The following ANO10 variants were observed in gnomAD, a reference collection of about 807,000 sequenced individuals.
ANO10 encodes the protein anoctamin 10.
ANO10 carries 77 observed loss-of-function variants against 74.7 expected under a neutral mutation model. That is an observed-to-expected ratio of 1.03 (90% CI 0.86 to 1.25). ANO10 has a LOEUF of 1.25. Ranked by LOEUF, ANO10 falls within the 50% of genes most tolerant of loss-of-function variation. The probability of loss-of-function intolerance (pLI) is 0.00; values close to 1 mark genes in which losing one functional copy is unlikely to be tolerated. For missense variants in ANO10, 721 were observed against 778.1 expected (o/e 0.93, Z 0.87); for synonymous variants, 279 against 284.9 (o/e 0.98, Z 0.21).
intron 12 of ANO10, among the ~76,000 whole-genome samples, chr3:43,369,545 G>A (rs996590617): frequency 2.6e-5 from 4 of 152,216 alleles, no homozygotes; most frequent in African/African-American, 9.6e-5. Context: ...GTTGGGCCAC[G>A]GCCATGGGAT....
At chr3:43,525,672 T>A (rs2078163738) in intron 11 of ANO10, among the ~76,000 whole-genome samples, 1 of 152,180 alleles carries the variant, frequency 6.6e-6, no homozygotes, top group Admixed American at 6.5e-5. Context: ...GGGAAAGATG[T>A]TTTGTCTCTC....
intron 11 of ANO10, among the ~76,000 whole-genome samples, chr3:43,546,123 A>C (rs1406424735): frequency 1.3e-5 from 2 of 152,232 alleles, no homozygotes; most frequent in Non-Finnish European, 2.9e-5. Context: ...TATGAAAGTC[A>C]ATAAGGTATA....
intron 1 of ANO10, among the ~76,000 whole-genome samples, chr3:43,644,030 T>C (rs1354793478): frequency 2.0e-5 from 3 of 152,194 alleles, no homozygotes; most frequent in Non-Finnish European, 4.4e-5. Flanking sequence ...TTGACCTTGC[T>C]TCTTGTATTT....
chr3:43,547,699 G>GT (rs1445529207), intron 11 of ANO10, among the ~76,000 whole-genome samples: 18 of 152,302 alleles, frequency 1.2e-4, no homozygotes, highest in African/African-American at 4.3e-4. Context: ...AAACCATCCT[G>GT]TTTAACACGA....
At chr3:43,433,114 T>G (rs2093015056) in intron 11 of ANO10, among the ~76,000 whole-genome samples, 1 of 151,786 alleles carries the variant, frequency 6.6e-6, no homozygotes, top group Non-Finnish European at 1.5e-5. Flanking sequence ...ACTAATTTTT[T>G]TTGTATTTTT....
At chr3:43,587,306 A>G (rs1445024868) in intron 4 of ANO10, among the ~76,000 whole-genome samples, 3 of 152,220 alleles carry the variant, frequency 2.0e-5, no homozygotes, top group African/African-American at 7.2e-5. Flanking sequence ...CATGTAAGCC[A>G]GGCAATAAAG....
chr3:43,589,739 T>C (rs1050797939), intron 4 of ANO10, among the ~76,000 whole-genome samples: 20 of 152,250 alleles, frequency 1.3e-4, no homozygotes, highest in African/African-American at 4.1e-4. Context: ...TTTCCTACTT[T>C]ATTTTTAATG....
chr3:43,538,448 T>A (rs188003219), intron 11 of ANO10, among the ~76,000 whole-genome samples: 28 of 152,186 alleles, frequency 1.8e-4, no homozygotes, highest in South Asian at 1.0e-3. Flanking sequence ...TCAGAAAAAA[T>A]TTTTAAAACG....
chr3:43,643,807 C>T (rs1195507650), intron 1 of ANO10, among the ~76,000 whole-genome samples: 2 of 151,278 alleles, frequency 1.3e-5, no homozygotes, highest in Non-Finnish European at 2.9e-5. Flanking sequence ...CCTCAGCCTC[C>T]TGAGTAGCTC....
chr3:43,529,464 G>A (rs1448975775), intron 11 of ANO10, among the ~76,000 whole-genome samples: 1 of 152,158 alleles, frequency 6.6e-6, no homozygotes. Flanking sequence ...AGGTCCAGGT[G>A]ATGAGTATGC....
chr3:43,671,751 A>G (rs1354031619), intron 1 of ANO10, among the ~76,000 whole-genome samples: 2 of 152,158 alleles, frequency 1.3e-5, no homozygotes, highest in Admixed American at 6.5e-5. Flanking sequence ...CAAAAGTAAC[A>G]GCAATATGTA....
intron 1 of ANO10, chr3:43,637,538 A>C (rs1341144768): frequency 6.6e-6 from 1 of 152,010 alleles, no homozygotes; most frequent in Non-Finnish European, 1.5e-5. Flanking sequence ...AATTAGGACC[A>C]AAATTTAGAA....
At chr3:43,608,463 C>T (rs1484241234) in intron 1 of ANO10, among the ~76,000 whole-genome samples, 3 of 152,108 alleles carry the variant, frequency 2.0e-5, no homozygotes, top group Admixed American at 1.3e-4. Flanking sequence ...CAGGGTTTTG[C>T]CATGTTGCCC....
rs549002248 is a variant in ANO10, at chr3:43,378,596, A to G, written c.1915-11622T>C. Among the ~76,000 whole-genome samples the G allele has an allele frequency of 1.2e-3, 190 of 152,334 alleles. 1 individual carries two copies. Among genetic ancestry groups the G allele is most frequent in the African/African-American group, 4.0e-3 (166 of 41,574 alleles). On this transcript the variant is annotated intron_variant, in intron 12 of 12. Coordinates refer to ENST00000292246, the MANE Select transcript of ANO10 (RefSeq NM_018075.5). ...TACTATTATGAGTAAAACAAAATTG[A>G]TAATTACAACATTATGATTTTTAAA... is the stretch of plus-strand genomic sequence containing the variant.
intron 11 of ANO10, among the ~76,000 whole-genome samples, chr3:43,501,044 T>C (rs1435385875): frequency 2.0e-5 from 3 of 152,202 alleles, no homozygotes; most frequent in African/African-American, 4.8e-5. Context: ...CATCGTCCAT[T>C]AGTATAGCTA....
At chr3:43,433,593 CATT>C (rs769112683) in intron 11 of ANO10, among the ~76,000 whole-genome samples, 1 of 152,192 alleles carries the variant, frequency 6.6e-6, no homozygotes, top group Admixed American at 6.5e-5. Context: ...AGTACACAGA[CATT>C]ATAATATGGA....
At chr3:43,476,280 G>A (rs924328398) in intron 11 of ANO10, among the ~76,000 whole-genome samples, 6 of 152,080 alleles carry the variant, frequency 3.9e-5, no homozygotes, top group African/African-American at 7.2e-5. Context: ...AGACCTGAAG[G>A]TTGCCCCCAA....
At chr3:43,636,491 T>C (rs966262016) in intron 1 of ANO10, 1 of 152,258 alleles carries the variant, frequency 6.6e-6, no homozygotes, top group African/African-American at 2.4e-5. Context: ...CGAGAGAGTC[T>C]TTTGGCTCAT....
At chr3:43,592,458 G>C (rs945491029) in intron 4 of ANO10, among the ~76,000 whole-genome samples, 1 of 152,230 alleles carries the variant, frequency 6.6e-6, no homozygotes, top group Non-Finnish European at 1.5e-5. Flanking sequence ...CAGTTCTGCA[G>C]CCTCCGCTGG....
Sources: allele counts gnomAD v4.1 joint callset (sites outside exome capture counted in the v4.1 genomes callset), GRCh38; gene constraint gnomAD v4.1.1; transcripts MANE v1.5; gene names NCBI Gene and HGNC (gene_info 2026-07-23, HGNC 2026-07-21).